IL1RAPL2: variants seen among roughly 807,000 people sequenced by gnomAD.
The protein encoded by IL1RAPL2 is X-linked interleukin-1 receptor accessory protein-like 2.
In IL1RAPL2, 3 loss-of-function variants were observed where a neutral mutation model predicts 44.1. The observed-to-expected ratio is 0.07, with a 90% CI of 0.03 to 0.18. The LOEUF is 0.18. Among genes scored for constraint, IL1RAPL2 ranks in the 10% least tolerant of loss-of-function variants. The pLI, the probability that IL1RAPL2 is intolerant of heterozygous loss-of-function variation, is 1.00. For missense variants in IL1RAPL2, 391 were observed against 496.4 expected (o/e 0.79, Z 2.02); for synonymous variants, 181 against 178.8 (o/e 1.01, Z -0.10).
At chrX:105,607,637 A>AGAC (rs1157399805) in intron 6 of IL1RAPL2, among the ~76,000 whole-genome samples, 15 of 95,699 alleles carry the variant, frequency 1.6e-4, no homozygotes, top group Non-Finnish European at 3.1e-4. Flanking sequence ...TCAGCAGACA[A>AGAC]AAAAAAAAAA....
intron 2 of IL1RAPL2, among the ~76,000 whole-genome samples, chrX:105,001,255 G>C (rs1367928318): frequency 9.0e-6 from 1 of 111,093 alleles, no homozygotes; most frequent in African/African-American, 3.3e-5. Flanking sequence ...GGATCTTCTT[G>C]ATGCCAACTA....
chrX:104,660,136 G>C (rs1189397750), intron 2 of IL1RAPL2, among the ~76,000 whole-genome samples: 2 of 110,997 alleles, frequency 1.8e-5, no homozygotes, highest in Admixed American at 1.9e-4. Flanking sequence ...AATTACTTTT[G>C]TATGTTGTGA....
intron 6 of IL1RAPL2, among the ~76,000 whole-genome samples, chrX:105,507,928 C>T (rs1056876272): frequency 9.0e-6 from 1 of 111,116 alleles, no homozygotes; most frequent in African/African-American, 3.3e-5. Context: ...AAATTAAAAC[C>T]AAAGCCCTAT....
chrX:105,110,831 G>A (rs775947773), intron 2 of IL1RAPL2, among the ~76,000 whole-genome samples: 1 of 110,995 alleles, frequency 9.0e-6, no homozygotes, highest in South Asian at 3.9e-4. Flanking sequence ...CAGCTACTCG[G>A]GAGGCCAAGG....
intron 2 of IL1RAPL2, among the ~76,000 whole-genome samples, chrX:104,946,156 A>G (rs1377952011): frequency 9.5e-6 from 1 of 104,770 alleles, no homozygotes; most frequent in Non-Finnish European, 1.9e-5. Context: ...GTGGATCATG[A>G]GGTCAGGAGA....
At chrX:104,868,712 A>T (rs979888097) in intron 2 of IL1RAPL2, among the ~76,000 whole-genome samples, 1 of 112,207 alleles carries the variant, frequency 8.9e-6, no homozygotes, top group Non-Finnish European at 1.9e-5. Flanking sequence ...AGGGGAAGGG[A>T]TTATAGTCTT....
chrX:105,443,031 G>A lies in IL1RAPL2; in HGVS notation c.698-41282G>A, dbSNP rs758222565. 6.3e-5 allele frequency among the ~76,000 whole-genome samples: 7 copies of A among 111,697 alleles called. No homozygotes were observed. The South Asian group carries it at 2.6e-3, about 42-fold the overall frequency. ...GCAGAGGTTGCAGTGAGGTGAAATT[G>A]CACCACTGCACTCCAGCCTGGGCAA... On this transcript the variant is annotated intron_variant, in intron 5 of 10. Transcript: ENST00000372582.
At chrX:104,717,928 C>G (rs969531451) in intron 2 of IL1RAPL2, among the ~76,000 whole-genome samples, 77 of 110,278 alleles carry the variant, frequency 7.0e-4, no homozygotes, top group Non-Finnish European at 1.3e-3. Flanking sequence ...CTACAAAGGA[C>G]GTGAACTCAT....
At chrX:105,353,056 T>C (rs983877330) in intron 5 of IL1RAPL2, among the ~76,000 whole-genome samples, 2 of 111,836 alleles carry the variant, frequency 1.8e-5, no homozygotes, top group African/African-American at 6.5e-5. Flanking sequence ...AGGGTTTTTA[T>C]GGTTTTAGGT....
At chrX:104,989,297 G>C (rs1034402) in intron 2 of IL1RAPL2, among the ~76,000 whole-genome samples, 46,440 of 109,980 alleles carry the variant, frequency 0.42, 7,188 homozygotes, top group East Asian at 0.46. Context: ...TTATAAGGCT[G>C]TACTTCTAGT....
chrX:105,030,934 A>G (rs2031480611), intron 2 of IL1RAPL2, among the ~76,000 whole-genome samples: 1 of 111,075 alleles, frequency 9.0e-6, no homozygotes, highest in Admixed American at 9.6e-5. Flanking sequence ...AGTGGTTTGT[A>G]GTTCTCCTTG....
intron 5 of IL1RAPL2, among the ~76,000 whole-genome samples, chrX:105,308,382 T>C (rs1453646864): frequency 4.5e-5 from 5 of 112,193 alleles, no homozygotes; most frequent in African/African-American, 1.6e-4. Flanking sequence ...TGCCTTGAAA[T>C]TGTTAAATCT....
At chrX:105,729,840 C>A (rs1041506401) in intron 7 of IL1RAPL2, among the ~76,000 whole-genome samples, 13 of 75,024 alleles carry the variant, frequency 1.7e-4, no homozygotes, top group African/African-American at 5.1e-4. Context: ...CACCAAACCA[C>A]AATATAAAAA....
intron 5 of IL1RAPL2, among the ~76,000 whole-genome samples, chrX:105,381,210 C>T (rs2035427310): frequency 9.0e-6 from 1 of 111,476 alleles, no homozygotes; most frequent in Non-Finnish European, 1.9e-5. Flanking sequence ...GTTACTTGCA[C>T]AGGGTCACAC....
intron 3 of IL1RAPL2, among the ~76,000 whole-genome samples, chrX:105,207,220 C>G (rs1277968484): frequency 9.1e-6 from 1 of 110,322 alleles, no homozygotes; most frequent in Non-Finnish European, 1.9e-5. Context: ...ACCTCCTGTA[C>G]AGAGGGTACT....
rs776774178 is a variant in IL1RAPL2 at position 104,700,551 on chromosome X, C to T, written c.82+41556C>T. Among the ~76,000 whole-genome samples, 159 of 111,795 alleles carry T rather than the reference C, an allele frequency of 1.4e-3. 1 individual carries two copies. Among genetic ancestry groups the T allele is most frequent in the African/African-American group, 4.8e-3 (148 of 30,746 alleles). On this transcript the variant is annotated intron_variant, in intron 2 of 10. Transcript: ENST00000372582. The stretch of plus-strand genomic sequence containing the variant: ...TCTCAAGGTCCTCTTTGTTCATTGC[C>T]TTGTTTTCACATTATTACCCTGTTC...
chrX:105,523,469 A>T (rs2036573519), intron 6 of IL1RAPL2, among the ~76,000 whole-genome samples: 1 of 110,930 alleles, frequency 9.0e-6, no homozygotes, highest in Non-Finnish European at 1.9e-5. Context: ...TCAAATCCAC[A>T]TTAGAAACAC....
chrX:105,577,523 C>A (rs376993400), intron 6 of IL1RAPL2, among the ~76,000 whole-genome samples: 3 of 110,089 alleles, frequency 2.7e-5, no homozygotes, highest in East Asian at 5.8e-4. Flanking sequence ...ATTAATAGAC[C>A]CTCAATAATA....
intron 1 of IL1RAPL2, among the ~76,000 whole-genome samples, chrX:104,658,049 G>A (rs1318347878): frequency 1.8e-5 from 2 of 112,314 alleles, no homozygotes; most frequent in South Asian, 3.7e-4. Flanking sequence ...CATTGTGGAA[G>A]ACAGTGTGGC....
Sources: gnomAD v4.1 joint callset for allele counts (sites outside exome capture counted in the v4.1 genomes callset) on GRCh38, gnomAD v4.1.1 for gene constraint, MANE v1.5 for transcripts, NCBI Gene and HGNC (gene_info 2026-07-23, HGNC 2026-07-21) for gene names.